The following ANKHD1 variants were observed in gnomAD, a reference collection of about 807,000 sequenced individuals.
The protein encoded by ANKHD1 is ankyrin repeat and KH domain-containing protein 1.
ANKHD1 carries 31 observed loss-of-function variants against 230.5 expected under a neutral mutation model. That is an observed-to-expected ratio of 0.13 (90% CI 0.10 to 0.18). The LOEUF is 0.18. Among genes scored for constraint, ANKHD1 ranks in the 10% least tolerant of loss-of-function variants. The pLI is 1.00. For missense variants in ANKHD1, 2,256 were observed against 3,071.3 expected, an observed-to-expected ratio of 0.73 and a Z score of 6.27; for synonymous variants, 1,074 against 1,117.6, an observed-to-expected ratio of 0.96 and a Z score of 0.78.
At chr5:140,466,384 C>T (rs927064373) in intron 10 of ANKHD1, among the ~76,000 whole-genome samples, 4 of 124,804 alleles carry the variant, frequency 3.2e-5, no homozygotes, top group Admixed American at 8.7e-5. Flanking sequence ...AGAGCAAAAA[C>T]GCCATCTCAA....
At chr5:140,495,091 A>G (rs1181600880) in intron 14 of ANKHD1, among the ~76,000 whole-genome samples, 4 of 151,974 alleles carry the variant, frequency 2.6e-5, no homozygotes, top group Non-Finnish European at 5.9e-5. Flanking sequence ...CCCTGTCTCT[A>G]TAGATTTGCC....
chr5:140,434,544 A>T (rs1773297186), intron 1 of ANKHD1, among the ~76,000 whole-genome samples: 1 of 151,494 alleles, frequency 6.6e-6, no homozygotes, highest in South Asian at 2.1e-4. Flanking sequence ...CATATTACTC[A>T]TGAGTACTCA....
At chr5:140,525,464 T>A (rs1352598602) in intron 25 of ANKHD1, among the ~76,000 whole-genome samples, 2 of 152,100 alleles carry the variant, frequency 1.3e-5, no homozygotes, top group South Asian at 2.1e-4. Flanking sequence ...GATTTCGCCA[T>A]GTTGCCCAGG....
intron 1 of ANKHD1, among the ~76,000 whole-genome samples, chr5:140,427,149 AC>A (rs1259127169): frequency 7.6e-5 from 10 of 131,294 alleles, no homozygotes; most frequent in Admixed American, 3.0e-4. Context: ...CAGGGGGCTG[AC>A]CCCCCCCACC....
intron 9 of ANKHD1, among the ~76,000 whole-genome samples, chr5:140,460,908 A>C (rs945265780): frequency 6.6e-6 from 1 of 152,138 alleles, no homozygotes; most frequent in African/African-American, 2.4e-5. Context: ...AAATACTGAT[A>C]ATCATTCTAG....
At chr5:140,456,486 C>T (rs1158827797) in intron 7 of ANKHD1, among the ~76,000 whole-genome samples, 2 of 152,210 alleles carry the variant, frequency 1.3e-5, no homozygotes, top group Admixed American at 1.3e-4. Context: ...GTAACCAAAA[C>T]AGCATGGTAC....
chr5:140,424,748 T>C (rs1356166307), intron 1 of ANKHD1, among the ~76,000 whole-genome samples: 1 of 152,224 alleles, frequency 6.6e-6, no homozygotes, highest in African/African-American at 2.4e-5. Context: ...ACAATATGAT[T>C]GTTAGGACAG....
At chr5:140,490,968 C>A (rs1751745296) in intron 14 of ANKHD1, among the ~76,000 whole-genome samples, 1 of 150,990 alleles carries the variant, frequency 6.6e-6, no homozygotes, top group Admixed American at 6.6e-5. Context: ...CCTTTTATTT[C>A]TCTTTCCATT....
chr5:140,487,625 T>A (rs1751569424), intron 14 of ANKHD1, among the ~76,000 whole-genome samples: 1 of 152,172 alleles, frequency 6.6e-6, no homozygotes, highest in Non-Finnish European at 1.5e-5. Flanking sequence ...CTTAAAAAAC[T>A]CAAGTTTATG....
Position 140,407,327 on chromosome 5 carries a change from G to A in ANKHD1, c.306+5054G>A, listed in dbSNP as rs866368300. On this transcript the variant is annotated intron_variant, in intron 1 of 33. Transcript: ENST00000360839. ...AAAAAAAAAACCACTTTAAAAAATGGTTTTTATTTTAAATTTTTATTTATT... is the reference window on the plus strand; with the variant it reads ...AAAAAAAAAACCACTTTAAAAAATGATTTTTATTTTAAATTTTTATTTATT... Among the ~76,000 whole-genome samples the A allele has an allele frequency of 5.3e-5, 8 of 151,458 alleles. No individual in the cohort carries two copies. In the Middle Eastern group the frequency reaches 0.014, roughly 259 times the overall value.
intron 1 of ANKHD1, among the ~76,000 whole-genome samples, chr5:140,422,589 C>T (rs909311534): frequency 2.7e-5 from 4 of 150,792 alleles, no homozygotes; most frequent in East Asian, 2.1e-4. Flanking sequence ...CTGGGCGGAT[C>T]GTGAGGTCAG....
chr5:140,526,590 T>C (rs1753617047), intron 26 of ANKHD1, 147 bp downstream of exon 26: 1 of 1,124,190 alleles, frequency 8.9e-7, no homozygotes, highest in East Asian at 2.7e-5. Flanking sequence ...AAAACTGAAA[T>C]TCACCCATGT....
At chr5:140,489,712 ATTAC>A (rs1173496649) in intron 14 of ANKHD1, among the ~76,000 whole-genome samples, 1 of 152,146 alleles carries the variant, frequency 6.6e-6, no homozygotes, top group African/African-American at 2.4e-5. Flanking sequence ...TTGATGTTTT[ATTAC>A]TTACTAAATA....
intron 11 of ANKHD1, among the ~76,000 whole-genome samples, 155 bp downstream of exon 11, chr5:140,482,822 T>G (rs1228118076): frequency 2.0e-5 from 3 of 152,236 alleles, no homozygotes; most frequent in African/African-American, 7.2e-5. Flanking sequence ...GCATAGAGTT[T>G]GTGAGTTGTT....
intron 14 of ANKHD1, among the ~76,000 whole-genome samples, chr5:140,489,265 T>A (rs1751657606): frequency 6.6e-6 from 1 of 151,782 alleles, no homozygotes; most frequent in South Asian, 2.1e-4. Flanking sequence ...CCCAGTGCTT[T>A]GGGAGGCCGA....
At chr5:140,512,969 T>C (rs1208488206) in intron 23 of ANKHD1, 46 bp downstream of exon 23, 2 of 1,517,628 alleles carry the variant, frequency 1.3e-6, no homozygotes, top group Non-Finnish European at 1.8e-6. Context: ...CTTTGTGGAA[T>C]GATATGCCAA....
chr5:140,516,042 CTT>C lies in ANKHD1; in HGVS notation c.4317+2565_4317+2566del, dbSNP rs776529912. Among the ~76,000 whole-genome samples the C allele has an allele frequency of 5.7e-4, 86 of 152,088 alleles. 1 individual carries two copies. The highest frequency in any genetic ancestry group is 1.0e-3 in the Non-Finnish European group (68 of 67,990). ...AAACCAAAGGCAAAGAAGTTGAAAA[CTT>C]TGAAAAAAATTTAGAAGATTGTATA... On this transcript the variant is annotated intron_variant, in intron 24 of 33. Transcript: ENST00000360839.
rs1752679266 is a variant in ANKHD1 at position 140,509,641 on chromosome 5, G to T, written c.3770G>T (p.Gly1257Val). 1 of 1,575,530 alleles carries T rather than the reference G, an allele frequency of 6.3e-7. No homozygotes were observed. Among genetic ancestry groups the T allele is most frequent in the South Asian group, 1.2e-5 (1 of 83,950 alleles). ...KANVEHRAKT[G>V]LTPLMEAASG... ...ATAATTTATTGGTTTAAACAGACGG[G>T]TCTTACCCCCTTGATGGAAGCAGCT... is the stretch of plus-strand genomic sequence containing the variant. The change falls in exon 21 of 34, where the codon GGT becomes GTT. Residue 1257 changes from glycine to valine, a missense_variant. By Grantham distance (109) the Gly-to-Val change is moderately radical (BLOSUM62 -3). This residue lies in a region of ANKHD1 where 195 missense variants were observed against 340.3 expected (regional missense o/e 0.57). Transcript: ENST00000360839.
At chr5:140,490,021 TAAAG>T (rs1751698376) in intron 14 of ANKHD1, among the ~76,000 whole-genome samples, 1 of 152,226 alleles carries the variant, frequency 6.6e-6, no homozygotes, top group Non-Finnish European at 1.5e-5. Flanking sequence ...CTATCTTAAA[TAAAG>T]ACTTAACTTT....
Sources: gnomAD v4.1 joint callset for allele counts (sites outside exome capture counted in the v4.1 genomes callset) on GRCh38, gnomAD v4.1.1 for gene constraint, gnomAD v4.1.1 regional missense constraint, MANE v1.5 for transcripts, NCBI Gene and HGNC (gene_info 2026-07-23, HGNC 2026-07-21) for gene names.